The following CTNNA2 variants were observed in gnomAD, a reference collection of about 807,000 sequenced individuals.
CTNNA2 encodes the protein catenin alpha 2.
In CTNNA2, 42 loss-of-function variants were observed where a neutral mutation model predicts 101.0. That is an observed-to-expected ratio of 0.42 (90% CI 0.32 to 0.54). The LOEUF (loss-of-function observed/expected upper bound fraction) is 0.54, where lower values mean the gene tolerates loss of function less well. CTNNA2 is among the 20% of genes least tolerant of loss of function. The pLI, the probability that CTNNA2 is intolerant of heterozygous loss-of-function variation, is 0.14. For synonymous variants in CTNNA2, 450 were observed against 456.4 expected (o/e 0.99, Z 0.18); for missense variants, 871 against 1,223.1 (o/e 0.71, Z 4.29).
intron 7 of CTNNA2, among the ~76,000 whole-genome samples, chr2:80,100,359 A>G (rs1700468334): frequency 1.3e-5 from 2 of 152,232 alleles, no homozygotes; most frequent in South Asian, 4.1e-4. Flanking sequence ...TGGTTCAACA[A>G]TTTACTTGTT....
intron 7 of CTNNA2, among the ~76,000 whole-genome samples, chr2:80,073,722 T>G (rs2148784832): frequency 7.9e-6 from 1 of 126,454 alleles, no homozygotes; most frequent in East Asian, 2.4e-4. Context: ...AACCTCTCTC[T>G]CTCTCTGTCA....
Position 80,303,307 on chromosome 2 carries a change from G to A in CTNNA2, c.1057-89904G>A, listed in dbSNP as rs755195234. 7.4e-6 allele frequency: 12 copies of A among 1,613,676 alleles called. No individual in the cohort carries two copies. The South Asian group carries it at 1.2e-4, about 16-fold the overall frequency. On this transcript the variant is annotated intron_variant, in intron 7 of 18. Coordinates refer to ENST00000402739, the MANE Select transcript of CTNNA2 (RefSeq NM_001282597.3). The surrounding 1 kb of genome is among the most constrained non-coding windows in gnomAD (Gnocchi z 7.7). ...TGCGCACGGGCACAAACTGGATGGC[G>A]TTGGCCCGCATATGCAGCGTGGTGA...
At chr2:79,407,267 C>G (rs1678350602) in intron 4 of CTNNA2, among the ~76,000 whole-genome samples, 1 of 151,980 alleles carries the variant, frequency 6.6e-6, no homozygotes, top group Non-Finnish European at 1.5e-5. Flanking sequence ...CACTAAAAAG[C>G]TACATGATTA....
chr2:80,490,288 C>CG lies in CTNNA2; in HGVS notation c.1291-54694_1291-54693insG, dbSNP rs1553535577. On this transcript the variant is annotated intron_variant, in intron 9 of 18. Transcript: ENST00000402739. ...TTTTTCCTTCCCCCCCCACCCCCCC[C>CG]CCGGTAAAGCACCAGATAGTAAATA... Among the ~76,000 whole-genome samples the CG allele has an allele frequency of 7.4e-4, 72 of 97,906 alleles. 2 individuals are homozygous for CG. The highest frequency in any genetic ancestry group is 2.4e-3 in the African/African-American group (53 of 22,370). The allele number at this position is 97,906 out of a possible 152,430, so 64.2% of individuals were successfully genotyped here.
At chr2:79,876,940 T>C (rs532516769) in intron 6 of CTNNA2, among the ~76,000 whole-genome samples, 2 of 152,180 alleles carry the variant, frequency 1.3e-5, no homozygotes, top group Admixed American at 1.3e-4. Context: ...TAAAACATGA[T>C]ATATTTGAAA....
chr2:80,581,451 C>T (rs1185767351), intron 13 of CTNNA2, among the ~76,000 whole-genome samples: 2 of 152,084 alleles, frequency 1.3e-5, no homozygotes, highest in East Asian at 3.9e-4. Flanking sequence ...TTAAAATTAG[C>T]ATATCACTGC....
intron 1 of CTNNA2, among the ~76,000 whole-genome samples, chr2:79,555,300 C>T (rs1351122503): frequency 6.6e-6 from 1 of 152,008 alleles, no homozygotes; most frequent in Non-Finnish European, 1.5e-5. Flanking sequence ...GAGAAAACAC[C>T]CAGTAGTCCC....
intron 2 of CTNNA2, among the ~76,000 whole-genome samples, chr2:79,223,110 T>C (rs975716064): frequency 3.9e-5 from 6 of 152,134 alleles, no homozygotes; most frequent in African/African-American, 1.4e-4. Flanking sequence ...CAGTGAGCTA[T>C]GTTCGTGCCA....
intron 1 of CTNNA2, among the ~76,000 whole-genome samples, chr2:79,588,950 G>A (rs990476814): frequency 6.6e-6 from 1 of 152,206 alleles, no homozygotes; most frequent in Non-Finnish European, 1.5e-5. Flanking sequence ...ACTATTAACA[G>A]TACTCCTCTC....
chr2:80,284,601 A>G (rs186585609), intron 7 of CTNNA2, among the ~76,000 whole-genome samples: 3 of 150,646 alleles, frequency 2.0e-5, no homozygotes, highest in Admixed American at 2.0e-4. Flanking sequence ...CATCCCTCCC[A>G]TGATCTCTGA....
In CTNNA2 at chr2:79,430,191, A is replaced by C. The variant is rs141545483; in HGVS notation, c.-135+56178A>C. Among the ~76,000 whole-genome samples the C allele has an allele frequency of 4.7e-4, 71 of 152,180 alleles. 3 individuals are homozygous for C. In the East Asian group the frequency reaches 0.012, roughly 27 times the overall value. On this transcript the variant is annotated intron_variant, in intron 4 of 21. Transcript: ENST00000466387. ...ATGGTCTCTGCCTCTCTGAGTGATG[A>C]TCATTTGAACTACACCAAAAAGGCT...
intron 4 of CTNNA2, among the ~76,000 whole-genome samples, chr2:79,400,380 A>G (rs1205583145): frequency 1.3e-5 from 2 of 152,010 alleles, no homozygotes; most frequent in Non-Finnish European, 2.9e-5. Flanking sequence ...CCTTTGGCTT[A>G]GTGATTTTGG....
intron 1 of CTNNA2, among the ~76,000 whole-genome samples, 172 bp downstream of exon 1, chr2:79,513,379 C>A (rs1045789505): frequency 6.6e-6 from 1 of 151,692 alleles, no homozygotes; most frequent in Non-Finnish European, 1.5e-5. Flanking sequence ...TCTTTCATCC[C>A]TTTCTTCCTC....
intron 2 of CTNNA2, among the ~76,000 whole-genome samples, chr2:79,259,492 G>T (rs748137465): frequency 4.6e-5 from 7 of 152,186 alleles, no homozygotes; most frequent in Non-Finnish European, 8.8e-5. Flanking sequence ...TGTGGGTAGG[G>T]CCATGTGTAC....
chr2:80,004,681 A>G (rs1693204064), intron 7 of CTNNA2, among the ~76,000 whole-genome samples: 1 of 32,126 alleles, frequency 3.1e-5, no homozygotes, highest in Non-Finnish European at 9.8e-5. Context: ...ACATTTATTT[A>G]TTTATTTATT....
At chr2:80,154,162 T>C (rs1380106325) in intron 7 of CTNNA2, among the ~76,000 whole-genome samples, 9 of 152,150 alleles carry the variant, frequency 5.9e-5, no homozygotes, top group Admixed American at 5.9e-4. Context: ...GCCACCCACA[T>C]TTAGTTCTGC....
chr2:80,600,202 A>G (rs1438052980), intron 15 of CTNNA2, among the ~76,000 whole-genome samples: 1 of 152,000 alleles, frequency 6.6e-6, no homozygotes, highest in East Asian at 1.9e-4. Context: ...CCTATACAAA[A>G]GGCATAAACT....
At chr2:79,919,908 C>T (rs1180663768) in intron 7 of CTNNA2, among the ~76,000 whole-genome samples, 1 of 152,170 alleles carries the variant, frequency 6.6e-6, no homozygotes, top group Non-Finnish European at 1.5e-5. Flanking sequence ...TCTAACACCT[C>T]TCCATGCTTC....
chr2:79,551,326 T>A (rs905493144), intron 1 of CTNNA2, among the ~76,000 whole-genome samples: 2 of 151,720 alleles, frequency 1.3e-5, no homozygotes, highest in African/African-American at 2.4e-5. Flanking sequence ...TGGGGGAGGG[T>A]AGATAAAAGA....
Sources: allele counts gnomAD v4.1 joint callset (sites outside exome capture counted in the v4.1 genomes callset), GRCh38; gene constraint gnomAD v4.1.1; non-coding constraint Gnocchi (gnomAD v3.1); transcripts MANE v1.5; gene names NCBI Gene and HGNC (gene_info 2026-07-23, HGNC 2026-07-21).